The following SNX10 variants were observed in gnomAD, a reference collection of about 807,000 sequenced individuals.
SNX10 encodes sorting nexin 10.
A neutral mutation model predicts 28.5 loss-of-function variants in SNX10; 25 were observed. The ratio of observed to expected loss-of-function variants is 0.88; its 90% CI spans 0.64 to 1.22. The LOEUF is 1.22. Ranked by LOEUF, SNX10 falls within the 50% of genes most tolerant of loss-of-function variation. The pLI, the probability that SNX10 is intolerant of heterozygous loss-of-function variation, is 0.00. For missense variants in SNX10, 223 were observed against 242.6 expected (o/e 0.92, Z 0.54); for synonymous variants, 62 against 81.4 (o/e 0.76, Z 1.28).
intron 1 of SNX10, among the ~76,000 whole-genome samples, chr7:26,342,861 C>CA (rs1788234504): frequency 1.3e-5 from 2 of 152,096 alleles, no homozygotes; most frequent in Admixed American, 1.3e-4. Context: ...GGCTGGAGTG[C>CA]AGTGGCATGA....
At position 26,365,140 on chromosome 7, in the gene SNX10, C is replaced by T; in HGVS notation, c.306C>T (p.Leu102=). 6 of 1,602,520 alleles carry T rather than the reference C, an allele frequency of 3.7e-6. No homozygotes were observed. Among genetic ancestry groups the T allele is most frequent in the Non-Finnish European group, 5.1e-6 (6 of 1,169,530 alleles). Residue 102 remains leucine, a synonymous_variant, in exon 5 of 7, where the codon CTC becomes CTT. Transcript: ENST00000338523. ...DQRRQGLEDF[L]RKVLQNALLL... is the part of the protein sequence containing the mutation. Reference sequence around the variant, plus strand: ...GTCGCCAGGGTCTGGAAGATTTCCTCAGAAAGTGAGTGTCCAGAAACTTTT... The same window carrying T: ...GTCGCCAGGGTCTGGAAGATTTCCTTAGAAAGTGAGTGTCCAGAAACTTTT...
chr7:26,308,736 G>T (rs899932138), intron 1 of SNX10, among the ~76,000 whole-genome samples: 1 of 152,160 alleles, frequency 6.6e-6, no homozygotes, highest in Non-Finnish European at 1.5e-5. Context: ...GGGATCCCCA[G>T]TTTATAGCCA....
chr7:26,362,077 T>TA (rs11390551), intron 3 of SNX10, among the ~76,000 whole-genome samples: 1 of 152,186 alleles, frequency 6.6e-6, no homozygotes, highest in Non-Finnish European at 1.5e-5. Context: ...TTTCTTTTTT[T>TA]AAATTCTCCT....
intron 1 of SNX10, among the ~76,000 whole-genome samples, chr7:26,318,294 T>C (rs1013058026): frequency 6.6e-6 from 1 of 152,184 alleles, no homozygotes; most frequent in Non-Finnish European, 1.5e-5. Context: ...GTGCATCCTT[T>C]GAGAAAGGCG....
intron 1 of SNX10, among the ~76,000 whole-genome samples, chr7:26,330,196 G>T (rs1017145931): frequency 2.9e-5 from 4 of 139,416 alleles, no homozygotes; most frequent in Non-Finnish European, 6.4e-5. Flanking sequence ...TCATGATCAA[G>T]GCCCTCCTTG....
At position 26,311,530 on chromosome 7, in the gene SNX10, G is replaced by A. The variant is rs372773384; in HGVS notation, c.-24+19444G>A. Among the ~76,000 whole-genome samples the A allele has an allele frequency of 2.7e-4, 41 of 152,216 alleles. No individual in the cohort carries two copies. The East Asian group carries it at 6.0e-3, about 22-fold the overall frequency. ...GCACTGGGGGGAGGGAATTGTCAGG[G>A]TGTGTGGGGTTGAAAAGAGCCCCTG... On this transcript the variant is annotated intron_variant, in intron 1 of 6. Coordinates refer to ENST00000338523, the MANE Select transcript of SNX10 (RefSeq NM_013322.3).
intron 1 of SNX10, among the ~76,000 whole-genome samples, chr7:26,319,239 T>C (rs1169933619): frequency 6.6e-6 from 1 of 152,250 alleles, no homozygotes; most frequent in African/African-American, 2.4e-5. Flanking sequence ...CTTTCTAGGC[T>C]ATTATCTCCT....
In SNX10 at chr7:26,327,726, C is replaced by CTTTTTTTTT. The variant is rs70943293; in HGVS notation, c.-23-18681_-23-18673dup. ...ATTGTATTCATTCATGCATTCTTTT[C>CTTTTTTTTT]TTTTTTTTTTTTTTTTTTTTTGAGA... On this transcript the variant is annotated intron_variant, in intron 1 of 6. Coordinates refer to ENST00000338523, the MANE Select transcript of SNX10 (RefSeq NM_013322.3). Among the ~76,000 whole-genome samples the CTTTTTTTTT allele has an allele frequency of 3.4e-3, 300 of 89,080 alleles. 6 individuals are homozygous for CTTTTTTTTT. The highest frequency in any genetic ancestry group is 4.0e-3 in the African/African-American group (93 of 23,324). The allele number at this position is 89,080 out of a possible 152,430, so 58.4% of individuals were successfully genotyped here. A position where few individuals can be genotyped will look rare whatever the true frequency, so the allele number is the denominator to read the frequency against.
At chr7:26,325,718 A>G (rs1025601368) in intron 1 of SNX10, among the ~76,000 whole-genome samples, 2 of 138,010 alleles carry the variant, frequency 1.4e-5, no homozygotes, top group Non-Finnish European at 3.1e-5. Flanking sequence ...AAGTATACGA[A>G]ACAAAATTAG....
rs981116460 is a variant in SNX10, at chr7:26,339,142, G to T, written c.-23-7278G>T. On this transcript the variant is annotated intron_variant, in intron 1 of 6. Coordinates refer to ENST00000338523, the MANE Select transcript of SNX10 (RefSeq NM_013322.3). ...TTGTTTCAGAGTCAAACCATGAACT[G>T]AATTCCTTCCCGAAGTTAGTTCAGC... 3.9e-5 allele frequency among the ~76,000 whole-genome samples: 6 copies of T among 152,322 alleles called. No homozygotes were observed. In the East Asian group the frequency reaches 1.2e-3, roughly 29 times the overall value.
chr7:26,328,088 C>G (rs574121555), intron 1 of SNX10, among the ~76,000 whole-genome samples: 1 of 152,156 alleles, frequency 6.6e-6, no homozygotes, highest in African/African-American at 2.4e-5. Flanking sequence ...TATGTTGGGC[C>G]CTACCAATGG....
At chr7:26,348,527 G>A (rs1315031613) in intron 2 of SNX10, among the ~76,000 whole-genome samples, 2 of 152,222 alleles carry the variant, frequency 1.3e-5, no homozygotes, top group Non-Finnish European at 2.9e-5. Flanking sequence ...GTCAGGTGGG[G>A]TCCAAGGACA....
Position 26,373,411 on chromosome 7 carries a change from C to T in SNX10, c.*839C>T, listed in dbSNP as rs910398654. ...TAACTTTCAGTATCAGTGGTGGTTA[C>T]TTATTACTTAAATCAGAGGAAGGAT... is the stretch of plus-strand genomic sequence containing the variant. On this transcript the variant is annotated 3_prime_UTR_variant, in exon 7 of 7. Transcript: ENST00000338523. The surrounding 1 kb of genome is among the most constrained non-coding windows in gnomAD (Gnocchi z 4.2). The T allele has an allele frequency of 6.6e-6, 1 of 151,894 alleles. No individual in the cohort carries two copies. The highest frequency in any genetic ancestry group is 1.5e-5 in the Non-Finnish European group (1 of 67,886). 9.4% of individuals were successfully genotyped at this position (151,894 alleles called of 1,614,324 possible). A position where few individuals can be genotyped will look rare whatever the true frequency, so the allele number is the denominator to read the frequency against.
At chr7:26,360,317 A>G (rs924146342) in intron 2 of SNX10, 7 of 152,388 alleles carry the variant, frequency 4.6e-5, no homozygotes, top group Admixed American at 6.5e-5. Flanking sequence ...CAGTGGCACA[A>G]TCAAGGCTCA....
chr7:26,340,169 A>G (rs553552050), intron 1 of SNX10, among the ~76,000 whole-genome samples: 1 of 152,340 alleles, frequency 6.6e-6, no homozygotes, highest in Non-Finnish European at 1.5e-5. Context: ...CAAGCCTAGC[A>G]TTGCAAATGT....
chr7:26,309,898 C>T (rs1383996419), intron 1 of SNX10, among the ~76,000 whole-genome samples: 3 of 152,160 alleles, frequency 2.0e-5, no homozygotes, highest in Non-Finnish European at 4.4e-5. Flanking sequence ...GATACCTGGC[C>T]TCTGGGGCCC....
At chr7:26,319,218 T>A (rs1325416457) in intron 1 of SNX10, among the ~76,000 whole-genome samples, 4 of 152,240 alleles carry the variant, frequency 2.6e-5, no homozygotes. Flanking sequence ...ACGTAGATAT[T>A]GTAGCAGTAT....
chr7:26,308,252 T>C (rs907588600), intron 1 of SNX10, among the ~76,000 whole-genome samples: 1 of 152,168 alleles, frequency 6.6e-6, no homozygotes, highest in Non-Finnish European at 1.5e-5. Flanking sequence ...AAGGCTAATC[T>C]TCCCCTGTGT....
chr7:26,353,848 G>A (rs1051742874), intron 2 of SNX10, among the ~76,000 whole-genome samples: 1 of 152,094 alleles, frequency 6.6e-6, no homozygotes, highest in African/African-American at 2.4e-5. Context: ...AGTCTCCAGT[G>A]TAAATACATG....
Sources: gnomAD v4.1 joint callset for allele counts (sites outside exome capture counted in the v4.1 genomes callset) on GRCh38, gnomAD v4.1.1 for gene constraint, Gnocchi (gnomAD v3.1) non-coding constraint, MANE v1.5 for transcripts, NCBI Gene and HGNC (gene_info 2026-07-23, HGNC 2026-07-21) for gene names.